DCC: variants seen among roughly 807,000 people sequenced by gnomAD.
DCC encodes DCC netrin 1 receptor.
DCC carries 58 observed loss-of-function variants against 172.5 expected under a neutral mutation model. The observed-to-expected ratio is 0.34, with a 90% CI of 0.27 to 0.42. The LOEUF (loss-of-function observed/expected upper bound fraction) is 0.42, where lower values mean the gene tolerates loss of function less well. Ranked by LOEUF, DCC falls within the 10% of genes least tolerant of loss-of-function variation. The pLI is 1.00. For missense variants in DCC, 1,740 were observed against 1,791.0 expected (o/e 0.97, Z 0.51); for synonymous variants, 709 against 644.5 (o/e 1.10, Z -1.52).
chr18:52,354,869 A>T (rs72914993), intron 1 of DCC, among the ~76,000 whole-genome samples: 20,055 of 151,992 alleles, frequency 0.13, 1,405 homozygotes, highest in Middle Eastern at 0.17. Flanking sequence ...TTTCCTTTAC[A>T]TGCCATTATT....
intron 5 of DCC, among the ~76,000 whole-genome samples, chr18:53,036,070 G>A (rs2042088362): frequency 1.3e-5 from 2 of 151,952 alleles, no homozygotes; most frequent in South Asian, 4.1e-4. Context: ...TTACAGAATT[G>A]CTTTAGAGAG....
intron 1 of DCC, among the ~76,000 whole-genome samples, chr18:52,666,112 C>A (rs2035455255): frequency 6.6e-6 from 1 of 152,024 alleles, no homozygotes; most frequent in Admixed American, 6.6e-5. Flanking sequence ...CACGGTGAAA[C>A]CCTGTCTCTA....
intron 19 of DCC, among the ~76,000 whole-genome samples, chr18:53,408,204 G>A (rs1909783572): frequency 6.6e-6 from 1 of 152,082 alleles, no homozygotes; most frequent in Non-Finnish European, 1.5e-5. Flanking sequence ...TTGTTGTATA[G>A]CAATATTATC....
In DCC at chr18:53,070,568, A is replaced by G. The variant is rs1316351072; in HGVS notation, c.1261+4402A>G. On this transcript the variant is annotated intron_variant, in intron 7 of 28. Transcript: ENST00000442544. Reference sequence around the variant, plus strand: ...CTTGGGCCCTGATTTGTTTAGGTCTATGTGACCATAAAGTGTCAAGGCTCT... The same window carrying G: ...CTTGGGCCCTGATTTGTTTAGGTCTGTGTGACCATAAAGTGTCAAGGCTCT... Among the ~76,000 whole-genome samples, 4 of 152,150 alleles carry G rather than the reference A, an allele frequency of 2.6e-5. No individual in the cohort carries two copies. The East Asian group carries it at 7.7e-4, about 29-fold the overall frequency.
At chr18:53,530,217 C>T (rs1313465414) in intron 28 of DCC, 2 of 649,476 alleles carry the variant, frequency 3.1e-6, no homozygotes, top group Non-Finnish European at 5.5e-6. Flanking sequence ...ATGTCATTAT[C>T]ATTTTATAGA....
chr18:52,363,815 G>T (rs756828629), intron 1 of DCC, among the ~76,000 whole-genome samples: 19 of 152,162 alleles, frequency 1.2e-4, no homozygotes, highest in Non-Finnish European at 2.5e-4. Context: ...TGATTGGTGA[G>T]TGACTATGCC....
intron 7 of DCC, among the ~76,000 whole-genome samples, chr18:53,128,868 CACATATATATATATAT>C (rs1364596630): frequency 0.013 from 724 of 57,416 alleles, 18 homozygotes; most frequent in Admixed American, 0.11. Context: ...CACACACACA[CACATATATATATATAT>C]ATATATATAT....
At chr18:52,871,307 G>C (rs1172482825) in intron 2 of DCC, among the ~76,000 whole-genome samples, 1 of 151,610 alleles carries the variant, frequency 6.6e-6, no homozygotes, top group African/African-American at 2.4e-5. Context: ...AAAATAAGAT[G>C]AGAAAGAACA....
chr18:52,953,999 A>C (rs2040701057), intron 5 of DCC, among the ~76,000 whole-genome samples: 1 of 152,220 alleles, frequency 6.6e-6, no homozygotes, highest in South Asian at 2.1e-4. Context: ...ATTATATAGC[A>C]AAAATACTAT....
chr18:52,712,863 T>C (rs1024369561), intron 1 of DCC, among the ~76,000 whole-genome samples: 1 of 152,080 alleles, frequency 6.6e-6, no homozygotes, highest in African/African-American at 2.4e-5. Flanking sequence ...GTGTGTAGAG[T>C]TGCTGAGCAA....
intron 7 of DCC, among the ~76,000 whole-genome samples, chr18:53,077,191 G>C (rs2042735225): frequency 6.6e-6 from 1 of 151,640 alleles, no homozygotes; most frequent in Non-Finnish European, 1.5e-5. Flanking sequence ...CAAGCTATTT[G>C]ACCTTGTTCA....
rs150722286 is a variant in DCC at position 53,211,437 on chromosome 18, T to G, written c.1861+3620T>G. Among the ~76,000 whole-genome samples the G allele has an allele frequency of 2.3e-3, 350 of 152,188 alleles. 1 individual carries two copies. Among genetic ancestry groups the G allele is most frequent in the African/African-American group, 8.0e-3 (334 of 41,538 alleles). On this transcript the variant is annotated intron_variant, in intron 11 of 28. Coordinates refer to ENST00000442544, the MANE Select transcript of DCC (RefSeq NM_005215.4). Reference sequence around the variant, plus strand: ...GAAAATGCTTATAATTAAATATGAATTACTGGCCAGGCATGGTGGCTCACT... The same window carrying G: ...GAAAATGCTTATAATTAAATATGAAGTACTGGCCAGGCATGGTGGCTCACT...
At chr18:52,930,816 A>G (rs2145501827) in intron 5 of DCC, among the ~76,000 whole-genome samples, 1 of 152,132 alleles carries the variant, frequency 6.6e-6, no homozygotes, top group East Asian at 1.9e-4. Context: ...GCATTTTTAC[A>G]TTTTGCATAT....
At chr18:53,136,127 A>AG (rs1296749480) in intron 7 of DCC, among the ~76,000 whole-genome samples, 7 of 152,072 alleles carry the variant, frequency 4.6e-5, no homozygotes, top group Admixed American at 1.3e-4. Flanking sequence ...TTGTAAAAAA[A>AG]AAATTGGATG....
chr18:53,026,249 T>C (rs2041953868), intron 5 of DCC, among the ~76,000 whole-genome samples: 1 of 152,152 alleles, frequency 6.6e-6, no homozygotes. Flanking sequence ...AAAGAAAATT[T>C]AATGCTCTGT....
chr18:52,352,667 CT>C (rs1314349151), intron 1 of DCC, among the ~76,000 whole-genome samples: 1 of 152,214 alleles, frequency 6.6e-6, no homozygotes, highest in Non-Finnish European at 1.5e-5. Context: ...TGAGGGTCTT[CT>C]CTGTGGAGGA....
intron 8 of DCC, among the ~76,000 whole-genome samples, chr18:53,173,679 C>A (rs866181189): frequency 6.6e-6 from 1 of 151,448 alleles, no homozygotes; most frequent in Admixed American, 6.6e-5. Flanking sequence ...ATTCATAAAG[C>A]AAGTCCTGAG....
At chr18:53,264,432 C>T (rs150354478) in intron 12 of DCC, among the ~76,000 whole-genome samples, 4,080 of 147,784 alleles carry the variant, frequency 0.028, 203 homozygotes, top group African/African-American at 0.097. Flanking sequence ...GCTGAGATTG[C>T]GCCACTGCAC....
intron 15 of DCC, among the ~76,000 whole-genome samples, chr18:53,383,307 T>C (rs531474457): frequency 6.6e-6 from 1 of 152,152 alleles, no homozygotes; most frequent in South Asian, 2.1e-4. Flanking sequence ...TTAGCTAGAA[T>C]TATGTTCTGA....
Sources: allele counts gnomAD v4.1 joint callset (sites outside exome capture counted in the v4.1 genomes callset), GRCh38; gene constraint gnomAD v4.1.1; transcripts MANE v1.5; gene names NCBI Gene and HGNC (gene_info 2026-07-23, HGNC 2026-07-21).